ARHGEF7: variants seen among roughly 807,000 people sequenced by gnomAD.
ARHGEF7 encodes the protein PAK-interacting exchange factor beta.
ARHGEF7 carries 33 observed loss-of-function variants against 109.8 expected under a neutral mutation model. The ratio of observed to expected loss-of-function variants is 0.30; its 90% CI spans 0.23 to 0.40. The LOEUF (loss-of-function observed/expected upper bound fraction) is 0.40. Among genes scored for constraint, ARHGEF7 ranks in the 10% least tolerant of loss-of-function variants. The probability of loss-of-function intolerance (pLI) is 1.00; values close to 1 mark genes in which losing one functional copy is unlikely to be tolerated. For missense variants in ARHGEF7, 938 were observed against 1,098.5 expected, an observed-to-expected ratio of 0.85 and a Z score of 2.07; for synonymous variants, 458 against 424.6, an observed-to-expected ratio of 1.08 and a Z score of -0.97.
intron 2 of ARHGEF7, among the ~76,000 whole-genome samples, chr13:111,203,454 C>G (rs1381273919): frequency 6.6e-6 from 1 of 152,216 alleles, no homozygotes; most frequent in Non-Finnish European, 1.5e-5. Flanking sequence ...TAAAGACTAT[C>G]TGTTCTAAGG....
At chr13:111,126,061 A>G (rs750352924) in intron 1 of ARHGEF7, among the ~76,000 whole-genome samples, 1 of 152,230 alleles carries the variant, frequency 6.6e-6, no homozygotes, top group Non-Finnish European at 1.5e-5. Context: ...TGTGGTGCTT[A>G]GGAAAGTGCC....
At position 111,217,235 on chromosome 13, in the gene ARHGEF7, T is replaced by C. The variant is rs1016454170; in HGVS notation, c.469-444T>C. On this transcript the variant is annotated intron_variant, in intron 4 of 21. Coordinates refer to ENST00000646102, the MANE Select transcript of ARHGEF7 (RefSeq NM_001354046.2). The stretch of plus-strand genomic sequence containing the variant: ...TACACAAGGAAAGTACTGTATATGG[T>C]ATCTGGAAATATACTGGAAATAATC... Among the ~76,000 whole-genome samples the C allele has an allele frequency of 1.3e-4, 20 of 152,256 alleles. No individual in the cohort carries two copies. The East Asian group carries it at 3.8e-3, about 29-fold the overall frequency.
At chr13:111,245,950 A>G (rs1294937863) in intron 8 of ARHGEF7, among the ~76,000 whole-genome samples, 1 of 152,262 alleles carries the variant, frequency 6.6e-6, no homozygotes, top group Non-Finnish European at 1.5e-5. Context: ...TGCAGAAACC[A>G]CAAATATGTT....
At chr13:111,179,330 C>T (rs142293894) in intron 2 of ARHGEF7, among the ~76,000 whole-genome samples, 35 of 152,212 alleles carry the variant, frequency 2.3e-4, no homozygotes, top group African/African-American at 7.0e-4. Context: ...GTGATCCTCC[C>T]GCCTTGGCCA....
At chr13:111,283,964 T>C (rs75380950) in intron 16 of ARHGEF7, among the ~76,000 whole-genome samples, 3,261 of 152,162 alleles carry the variant, frequency 0.021, 121 homozygotes, top group African/African-American at 0.075. Flanking sequence ...TAAATAGAAG[T>C]GTTAACACTT....
intron 17 of ARHGEF7, among the ~76,000 whole-genome samples, chr13:111,286,978 C>A (rs992803426): frequency 2.6e-5 from 4 of 152,202 alleles, no homozygotes; most frequent in African/African-American, 9.7e-5. Flanking sequence ...TGAGCTCAGC[C>A]TTTGTTGGTC....
chr13:111,279,392 C>G (rs568858836), intron 13 of ARHGEF7, among the ~76,000 whole-genome samples: 1 of 152,252 alleles, frequency 6.6e-6, no homozygotes, highest in East Asian at 1.9e-4. Context: ...CCCTTACTTG[C>G]TGGAGGTCTG....
At chr13:111,207,588 G>A (rs892308136) in intron 3 of ARHGEF7, among the ~76,000 whole-genome samples, 1 of 152,194 alleles carries the variant, frequency 6.6e-6, no homozygotes, top group Non-Finnish European at 1.5e-5. Flanking sequence ...TTTTTTAGAG[G>A]TTGCTCACAG....
chr13:111,244,354 T>G, intron 8 of ARHGEF7, 60 bp downstream of exon 8: 2 of 968,464 alleles, frequency 2.1e-6, no homozygotes, highest in Non-Finnish European at 3.1e-6. Flanking sequence ...TTTAAAGGAT[T>G]AAGTGTGAAG....
intron 2 of ARHGEF7, among the ~76,000 whole-genome samples, chr13:111,177,832 AAAG>A (rs1486358756): frequency 6.7e-6 from 1 of 148,432 alleles, no homozygotes; most frequent in African/African-American, 2.4e-5. Flanking sequence ...GGTGGGGAAA[AAAG>A]TGTTAAGAAG....
rs2084046609 is a variant in ARHGEF7 at position 111,221,372 on chromosome 13, T to TATCTATATAG, written c.670+3494_670+3495insCTATATAGAT. Among the ~76,000 whole-genome samples, 8 of 32,716 alleles carry TATCTATATAG rather than the reference T, an allele frequency of 2.4e-4. 3 individuals are homozygous for TATCTATATAG. Among genetic ancestry groups the TATCTATATAG allele is most frequent in the African/African-American group, 9.3e-4 (8 of 8,634 alleles). The allele number at this position is 32,716 out of a possible 152,430, so 21.5% of individuals were successfully genotyped here. A position where few individuals can be genotyped will look rare whatever the true frequency, so the allele number is the denominator to read the frequency against. On this transcript the variant is annotated intron_variant, in intron 5 of 21. Coordinates refer to ENST00000646102, the MANE Select transcript of ARHGEF7 (RefSeq NM_001354046.2). ...ATATGTCTATATATATATCTATATA[T>TATCTATATAG]ATATCTATATATATAGATGTCTATA... is the stretch of plus-strand genomic sequence containing the variant.
intron 1 of ARHGEF7, among the ~76,000 whole-genome samples, chr13:111,125,951 G>A (rs1028871719): frequency 1.4e-4 from 21 of 152,218 alleles, no homozygotes; most frequent in Admixed American, 1.3e-4. Context: ...GGTTCTGATT[G>A]TGTCTGTTTG....
At position 111,266,712 on chromosome 13, in the gene ARHGEF7, ATTCCCTAGGTAG is replaced by A; in HGVS notation, c.951-835_951-824del. 2.4e-6 allele frequency: 1 copy of A among 422,454 alleles called. No individual in the cohort carries two copies. Among genetic ancestry groups the A allele is most frequent in the Non-Finnish European group, 4.9e-6 (1 of 203,924 alleles). The allele number at this position is 422,454 out of a possible 1,614,324, so 26.2% of individuals were successfully genotyped here. A position where few individuals can be genotyped will look rare whatever the true frequency, so the allele number is the denominator to read the frequency against. On this transcript the variant is annotated intron_variant, in intron 8 of 21. Coordinates refer to ENST00000646102, the MANE Select transcript of ARHGEF7 (RefSeq NM_001354046.2). The surrounding 1 kb of genome is among the most constrained non-coding windows in gnomAD (Gnocchi z 4.8). ...TTTGGTCACTTTTTCTCTGGCTCCCATTCCCTAGGTAGGAGGATGTAATCCTTCTGGTAATAT... is the reference window on the plus strand; with the variant it reads ...TTTGGTCACTTTTTCTCTGGCTCCCAGAGGATGTAATCCTTCTGGTAATAT...
At chr13:111,119,076 C>T (rs925257197) in intron 1 of ARHGEF7, among the ~76,000 whole-genome samples, 9 of 152,200 alleles carry the variant, frequency 5.9e-5, no homozygotes, top group African/African-American at 2.2e-4. Flanking sequence ...AGGGGTCTGT[C>T]CCAGGCCACT....
intron 1 of ARHGEF7, among the ~76,000 whole-genome samples, chr13:111,132,471 G>A (rs1349802688): frequency 6.6e-6 from 1 of 152,206 alleles, no homozygotes; most frequent in Admixed American, 6.5e-5. Context: ...TGATAGTCTA[G>A]ATTTGATATC....
At chr13:111,202,076 C>T (rs1168392761) in intron 2 of ARHGEF7, among the ~76,000 whole-genome samples, 1 of 152,192 alleles carries the variant, frequency 6.6e-6, no homozygotes, top group Admixed American at 6.5e-5. Context: ...TTCTATTGCA[C>T]ATTTAATTCA....
At chr13:111,186,684 CCA>C (rs1387879681) in intron 2 of ARHGEF7, 5 of 360,454 alleles carry the variant, frequency 1.4e-5, no homozygotes, top group Non-Finnish European at 1.9e-5. Flanking sequence ...ACTTTGCAAA[CCA>C]CACTCCAGAG....
intron 2 of ARHGEF7, among the ~76,000 whole-genome samples, chr13:111,200,026 T>TA (rs949837585): frequency 2.0e-5 from 3 of 152,244 alleles, no homozygotes; most frequent in Non-Finnish European, 2.9e-5. Flanking sequence ...TGACTCATGT[T>TA]ACGGGTACTT....
In ARHGEF7 at chr13:111,280,602, G is replaced by C. The variant is rs746562060; in HGVS notation, c.1650G>C (p.Glu550Asp). 6.2e-7 allele frequency: 1 copy of C among 1,612,934 alleles called. No homozygotes were observed. The highest frequency in any genetic ancestry group is 8.5e-7 in the Non-Finnish European group (1 of 1,179,604). The change falls in exon 15 of 22, where the codon GAG becomes GAC. Residue 550 changes from glutamate (E) to aspartate (D), a missense_variant. Physicochemically the swap from Glu to Asp is conservative, Grantham distance 45. Coordinates refer to ENST00000646102, the MANE Select transcript of ARHGEF7 (RefSeq NM_001354046.2). ...AGCAGGATCTGCAGGAATGGGTGGA[G>C]CACCTACAGAAGCAAACGAAGGTCA... ...NNQQDLQEWV[E>D]HLQKQTKVTS...
Sources: gnomAD v4.1 joint callset for allele counts (sites outside exome capture counted in the v4.1 genomes callset) on GRCh38, gnomAD v4.1.1 for gene constraint, Gnocchi (gnomAD v3.1) non-coding constraint, MANE v1.5 for transcripts, NCBI Gene and HGNC (gene_info 2026-07-23, HGNC 2026-07-21) for gene names.